TSPAN18: variants seen among roughly 807,000 people sequenced by gnomAD.
TSPAN18 encodes tetraspanin 18, also known as tetraspanin-18.
A neutral mutation model predicts 27.3 loss-of-function variants in TSPAN18; 14 were observed. That is an observed-to-expected ratio of 0.51 (90% CI 0.34 to 0.80). The LOEUF is 0.80. TSPAN18 is among the 30% of genes least tolerant of loss of function. The probability of loss-of-function intolerance (pLI) is 0.01; values close to 1 mark genes in which losing one functional copy is unlikely to be tolerated. For synonymous variants in TSPAN18, 143 were observed against 136.5 expected (o/e 1.05, Z -0.33); for missense variants, 268 against 323.9 (o/e 0.83, Z 1.32).
At chr11:44,827,128 C>T (rs1309170215) in intron 2 of TSPAN18, among the ~76,000 whole-genome samples, 17 of 152,228 alleles carry the variant, frequency 1.1e-4, no homozygotes, top group Non-Finnish European at 1.8e-4. Flanking sequence ...CGCTCCTTCC[C>T]GCCTCCAAGG....
At chr11:44,804,681 C>T (rs2135079091) in intron 2 of TSPAN18, among the ~76,000 whole-genome samples, 1 of 152,194 alleles carries the variant, frequency 6.6e-6, no homozygotes, top group Admixed American at 6.5e-5. Flanking sequence ...CCTCTGGTAG[C>T]TGCTGTGCTT....
intron 3 of TSPAN18, among the ~76,000 whole-genome samples, chr11:44,895,205 C>T (rs747017238): frequency 1.1e-4 from 17 of 152,194 alleles, no homozygotes; most frequent in South Asian, 2.1e-4. Flanking sequence ...TTTGTATCCA[C>T]GCTACCCAAG....
chr11:44,827,423 C>A (rs144931452), intron 2 of TSPAN18, among the ~76,000 whole-genome samples: 86 of 152,292 alleles, frequency 5.6e-4, no homozygotes, highest in Non-Finnish European at 9.1e-4. Context: ...CTACCCAAGC[C>A]CAGGCCCAGG....
In TSPAN18 at chr11:44,865,296, A is replaced by G. The variant is rs183510983; in HGVS notation, c.-11+4827A>G. On this transcript the variant is annotated intron_variant, in intron 3 of 9. Coordinates refer to ENST00000520358, the MANE Select transcript of TSPAN18 (RefSeq NM_130783.5). ...CAAATTCTCAACTCTCATCTAGAAA[A>G]TGGTAGCACTAATGGCATCATAGGG... is the stretch of plus-strand genomic sequence containing the variant. Among the ~76,000 whole-genome samples the G allele has an allele frequency of 5.7e-3, 865 of 152,278 alleles. 6 individuals carry two copies. The highest frequency in any genetic ancestry group is 6.8e-3 in the Non-Finnish European group (460 of 68,030).
chr11:44,854,761 CT>C (rs1222549935), intron 2 of TSPAN18, among the ~76,000 whole-genome samples: 3 of 152,178 alleles, frequency 2.0e-5, no homozygotes, highest in African/African-American at 7.2e-5. Flanking sequence ...GCTGTGTGAT[CT>C]TGAGCAAGTC....
chr11:44,908,814 A>AGAAAGAAAGAAG lies in TSPAN18; in HGVS notation c.64-880_64-879insGGAAAGAAAGAA, dbSNP rs1564993231. ...AAGAAAGAAAGAAAGAAAGAAAGAA[A>AGAAAGAAAGAAG]GAAAGAAAGAAAGAAAAAGAAAAAT... On this transcript the variant is annotated intron_variant, in intron 4 of 9. Transcript: ENST00000520358. Among the ~76,000 whole-genome samples, 26 of 114,810 alleles carry AGAAAGAAAGAAG rather than the reference A, an allele frequency of 2.3e-4. No individual in the cohort carries two copies. In the East Asian group the frequency reaches 4.8e-3, roughly 21 times the overall value. The allele number at this position is 114,810 out of a possible 152,430, so 75.3% of individuals were successfully genotyped here. A position where few individuals can be genotyped will look rare whatever the true frequency, so the allele number is the denominator to read the frequency against.
At chr11:44,924,161 C>T (rs764722164) in intron 8 of TSPAN18, among the ~76,000 whole-genome samples, 1 of 151,162 alleles carries the variant, frequency 6.6e-6, no homozygotes, top group African/African-American at 2.5e-5. Flanking sequence ...CAACTCTATG[C>T]TCAGACACTT....
intron 3 of TSPAN18, among the ~76,000 whole-genome samples, chr11:44,869,161 G>A (rs1858122796): frequency 6.6e-6 from 1 of 152,212 alleles, no homozygotes; most frequent in African/African-American, 2.4e-5. Flanking sequence ...TTGCAGACTG[G>A]GCCGGGAGGG....
chr11:44,824,691 G>C (rs56370829), intron 2 of TSPAN18, among the ~76,000 whole-genome samples: 9 of 152,218 alleles, frequency 5.9e-5, no homozygotes, highest in African/African-American at 2.2e-4. Context: ...TCCCAGCCGC[G>C]GAGGCCTTCA....
chr11:44,824,689 G>T lies in TSPAN18; in HGVS notation c.-152-35639G>T, dbSNP rs150609102. Among the ~76,000 whole-genome samples, 347 of 152,322 alleles carry T rather than the reference G, an allele frequency of 2.3e-3. 4 individuals carry two copies. Among genetic ancestry groups the T allele is most frequent in the Admixed American group, 0.017 (254 of 15,298 alleles). On this transcript the variant is annotated intron_variant, in intron 2 of 9. Coordinates refer to ENST00000520358, the MANE Select transcript of TSPAN18 (RefSeq NM_130783.5). ...GAGGCCGGCTCCTCACATCCCAGCCGCGGAGGCCTTCAGAGTAAACACACT... is the reference window on the plus strand; with the variant it reads ...GAGGCCGGCTCCTCACATCCCAGCCTCGGAGGCCTTCAGAGTAAACACACT...
intron 1 of TSPAN18, among the ~76,000 whole-genome samples, chr11:44,753,851 C>T (rs1355378755): frequency 1.3e-5 from 2 of 152,180 alleles, no homozygotes; most frequent in African/African-American, 4.8e-5. Flanking sequence ...AGGGTGACAG[C>T]CTATCCACTA....
At position 44,915,252 on chromosome 11, in the gene TSPAN18, C is replaced by T. The variant is rs1431246786; in HGVS notation, c.259-2720C>T. On this transcript the variant is annotated intron_variant, in intron 5 of 9. Transcript: ENST00000520358. ...GACCCATGTAATGGAAGCGGATGGC[C>T]ATCCATCACCAGCCAAATGGAAATG... 2.0e-5 allele frequency among the ~76,000 whole-genome samples: 3 copies of T among 152,176 alleles called. 1 individual carries two copies. The highest frequency in any genetic ancestry group is 2.1e-4 in the South Asian group (1 of 4,828).
intron 2 of TSPAN18, among the ~76,000 whole-genome samples, chr11:44,788,245 T>G (rs1185560308): frequency 1.3e-5 from 2 of 152,092 alleles, no homozygotes; most frequent in African/African-American, 4.8e-5. Flanking sequence ...CAGCAGCTCT[T>G]GGGCTGCACT....
intron 3 of TSPAN18, among the ~76,000 whole-genome samples, chr11:44,868,846 G>A (rs1158022706): frequency 6.6e-6 from 1 of 152,230 alleles, no homozygotes; most frequent in Non-Finnish European, 1.5e-5. Flanking sequence ...GACTCTATGT[G>A]CTTTGAGTTT....
At chr11:44,831,571 T>A (rs1240264107) in intron 2 of TSPAN18, among the ~76,000 whole-genome samples, 1 of 152,160 alleles carries the variant, frequency 6.6e-6, no homozygotes, top group Non-Finnish European at 1.5e-5. Flanking sequence ...CACTCCTAGG[T>A]CCTACTGGAG....
Position 44,931,573 on chromosome 11 carries a change from C to T in TSPAN18, c.*2395C>T, listed in dbSNP as rs1176906270. 1.3e-5 allele frequency: 2 copies of T among 152,208 alleles called. No individual in the cohort carries two copies. The highest frequency in any genetic ancestry group is 2.9e-5 in the Non-Finnish European group (2 of 68,074). The allele number at this position is 152,208 out of a possible 1,614,324, so 9.4% of individuals were successfully genotyped here. On this transcript the variant is annotated 3_prime_UTR_variant, in exon 10 of 10. Transcript: ENST00000520358. ...ACCCTCAATCAGCCCTGATTCAGCT[C>T]GCCAGCCAGCCACTGGCCACCCTCT... is the stretch of plus-strand genomic sequence containing the variant.
At position 44,867,389 on chromosome 11, in the gene TSPAN18, C is replaced by CTTTTTT. The variant is rs71038824; in HGVS notation, c.-11+6942_-11+6947dup. 3.6e-4 allele frequency among the ~76,000 whole-genome samples: 22 copies of CTTTTTT among 60,410 alleles called. 3 individuals are homozygous for CTTTTTT. Among genetic ancestry groups the CTTTTTT allele is most frequent in the Admixed American group, 5.6e-4 (2 of 3,580 alleles). 39.6% of individuals were successfully genotyped at this position (60,410 alleles called of 152,430 possible). A position where few individuals can be genotyped will look rare whatever the true frequency, so the allele number is the denominator to read the frequency against. On this transcript the variant is annotated intron_variant, in intron 3 of 9. Transcript: ENST00000520358. ...ACTGGAGAAGGCTTGGTTTATGAAT[C>CTTTTTT]TTTTTTTTTTTTTTTTTTTTTTTTT...
rs550579582 is a variant in TSPAN18, at chr11:44,908,956, C to T, written c.64-749C>T. Among the ~76,000 whole-genome samples, 78 of 152,234 alleles carry T rather than the reference C, an allele frequency of 5.1e-4. 1 individual carries two copies. Among genetic ancestry groups the T allele is most frequent in the African/African-American group, 1.8e-3 (75 of 41,518 alleles). ...CCACAAGGAAGCTAAAAGGCTCAGA[C>T]AGATTTTGACACTTGCCTAGGGTCA... On this transcript the variant is annotated intron_variant, in intron 4 of 9. Transcript: ENST00000520358.
At chr11:44,773,284 C>CCTGTAATT (rs1855731225) in intron 2 of TSPAN18, among the ~76,000 whole-genome samples, 1 of 151,974 alleles carries the variant, frequency 6.6e-6, no homozygotes, top group Non-Finnish European at 1.5e-5. Flanking sequence ...GGCGTGGTGG[C>CCTGTAATT]ACATGCCTGT....
Sources: allele counts gnomAD v4.1 joint callset (sites outside exome capture counted in the v4.1 genomes callset), GRCh38; gene constraint gnomAD v4.1.1; transcripts MANE v1.5; gene names NCBI Gene and HGNC (gene_info 2026-07-23, HGNC 2026-07-21).